Variants in WDR93 observed in about 807,000 individuals in gnomAD.
WDR93 encodes the protein WD repeat-containing protein 93.
WDR93 carries 73 observed loss-of-function variants against 82.9 expected under a neutral mutation model. The ratio of observed to expected loss-of-function variants is 0.88; its 90% CI spans 0.73 to 1.07. The LOEUF (loss-of-function observed/expected upper bound fraction) is 1.07, where lower values mean the gene tolerates loss of function less well. Among genes scored for constraint, WDR93 ranks in the 50% least tolerant of loss-of-function variants. The pLI is 0.00. For synonymous variants in WDR93, 283 were observed against 300.1 expected (o/e 0.94, Z 0.59); for missense variants, 738 against 826.0 (o/e 0.89, Z 1.31).
chr15:89,720,439 A>C (rs565143807), intron 7 of WDR93, among the ~76,000 whole-genome samples: 62 of 151,892 alleles, frequency 4.1e-4, no homozygotes, highest in Non-Finnish European at 7.5e-4. Flanking sequence ...TGCCCAGCTA[A>C]TTTTTGTATT....
chr15:89,711,361 C>T (rs1441636287), intron 4 of WDR93, among the ~76,000 whole-genome samples: 3 of 152,012 alleles, frequency 2.0e-5, no homozygotes, highest in Admixed American at 2.0e-4. Context: ...AATTAAGAGA[C>T]TTAGGAGATA....
chr15:89,728,006 A>G (rs986786607), intron 9 of WDR93, among the ~76,000 whole-genome samples: 7 of 152,034 alleles, frequency 4.6e-5, no homozygotes, highest in Non-Finnish European at 1.0e-4. Flanking sequence ...ACTGGAACCC[A>G]GGAGATGGAG....
rs139084102 is a variant in WDR93, at chr15:89,715,563, A to G, written c.756+468A>G. ...TACCATTTCAGTTTATTTATATATG[A>G]TGACTGGGCCTTGTGCTGTTTTTTT... On this transcript the variant is annotated intron_variant, in intron 6 of 16. Coordinates refer to ENST00000268130, the MANE Select transcript of WDR93 (RefSeq NM_020212.2). Among the ~76,000 whole-genome samples, 633 of 152,190 alleles carry G rather than the reference A, an allele frequency of 4.2e-3. 7 individuals are homozygous for G. Among genetic ancestry groups the G allele is most frequent in the African/African-American group, 0.015 (606 of 41,538 alleles).
At chr15:89,715,213 G>A in intron 6 of WDR93, 118 bp downstream of exon 6, 7 of 765,382 alleles carry the variant, frequency 9.1e-6, no homozygotes, top group Non-Finnish European at 1.2e-5. Flanking sequence ...GAGGACAACA[G>A]GAATATTGGC....
Position 89,743,402 on chromosome 15 carries a change from G to A in WDR93, c.*11G>A, listed in dbSNP as rs376333826. On this transcript the variant is annotated 3_prime_UTR_variant, in exon 17 of 17. Transcript: ENST00000268130. ...AACTTCAAGAAGTGAGGCTGCCACC[G>A]CCCTGGGATCTCTGAAAAGGAGGTT... is the stretch of plus-strand genomic sequence containing the variant. 146 of 1,613,522 alleles carry A rather than the reference G, an allele frequency of 9.0e-5. No homozygotes were observed. The highest frequency in any genetic ancestry group is 1.1e-4 in the Non-Finnish European group (134 of 1,179,640).
intron 1 of WDR93, among the ~76,000 whole-genome samples, chr15:89,696,870 T>C (rs1243819078): frequency 6.6e-6 from 1 of 152,202 alleles, no homozygotes; most frequent in Non-Finnish European, 1.5e-5. Flanking sequence ...TCAAATCCTT[T>C]CTCAGAGTGG....
intron 5 of WDR93, among the ~76,000 whole-genome samples, chr15:89,712,862 C>T (rs1464629467): frequency 6.6e-6 from 1 of 152,058 alleles, no homozygotes; most frequent in African/African-American, 2.4e-5. Flanking sequence ...CGGTGGCTCA[C>T]GCCTGTAATT....
chr15:89,726,810 A>C (rs567872142), intron 8 of WDR93, among the ~76,000 whole-genome samples: 17 of 152,346 alleles, frequency 1.1e-4, no homozygotes, highest in Admixed American at 3.3e-4. Flanking sequence ...CTGGGGAGAC[A>C]GGGACAGTGA....
chr15:89,731,367 C>G, intron 11 of WDR93, 76 bp from the exon 12 acceptor site: 2 of 1,586,190 alleles, frequency 1.3e-6, no homozygotes, highest in Non-Finnish European at 1.7e-6. Context: ...CAGTCTGAGT[C>G]ACAGGTTGTC....
Position 89,714,996 on chromosome 15 carries a change from G to C in WDR93, c.657G>C (p.Trp219Cys), listed in dbSNP as rs1966179687. 3 of 1,613,818 alleles carry C rather than the reference G, an allele frequency of 1.9e-6. No homozygotes were observed. In the Admixed American group the frequency reaches 5.0e-5, roughly 27 times the overall value. ...AFLLQGAGDIWLDVYKLPKET... is the reference protein window; with the variant it reads ...AFLLQGAGDICLDVYKLPKET... ...CCAATGCAGGAGCCGGAGATATTTG[G>C]CTGGATGTGTATAAATTGCCCAAGG... The change falls in exon 6 of 17, where the codon TGG (tryptophan) becomes TGC (cysteine). Residue 219 changes from tryptophan to cysteine, a missense_variant. Coordinates refer to ENST00000268130, the MANE Select transcript of WDR93 (RefSeq NM_020212.2).
intron 4 of WDR93, among the ~76,000 whole-genome samples, chr15:89,710,445 A>G (rs1399557059): frequency 6.6e-6 from 1 of 152,224 alleles, no homozygotes; most frequent in Non-Finnish European, 1.5e-5. Context: ...AGTTGGCTCA[A>G]ACAGGCATAC....
At chr15:89,728,901 C>A in intron 9 of WDR93, 122 bp from the exon 10 acceptor site, 1 of 847,202 alleles carries the variant, frequency 1.2e-6, no homozygotes, top group Non-Finnish European at 2.0e-6. Context: ...GCTTCATGGC[C>A]TTCTTACCCC....
In WDR93 at chr15:89,723,494, A is replaced by G. The variant is rs142510108; in HGVS notation, c.880+1355A>G. ...AAATGCCAAAGGCGAAGAATAGACA[A>G]TTTTCTCTTGTAAAAGAATGTGGTG... On this transcript the variant is annotated intron_variant, in intron 8 of 16. Coordinates refer to ENST00000268130, the MANE Select transcript of WDR93 (RefSeq NM_020212.2). 1.7e-3 allele frequency among the ~76,000 whole-genome samples: 265 copies of G among 152,242 alleles called. 2 individuals carry two copies. The highest frequency in any genetic ancestry group is 1.4e-3 in the Non-Finnish European group (94 of 68,000).
intron 11 of WDR93, among the ~76,000 whole-genome samples, chr15:89,730,543 T>C (rs1199679705): frequency 6.6e-6 from 1 of 152,196 alleles, no homozygotes; most frequent in Non-Finnish European, 1.5e-5. Flanking sequence ...AGTTTCTGTA[T>C]GTGAAGCTCT....
chr15:89,732,947 G>A, intron 12 of WDR93, 59 bp from the exon 13 acceptor site: 3 of 1,521,150 alleles, frequency 2.0e-6, no homozygotes, highest in Non-Finnish European at 2.7e-6. Context: ...CAGCCCCTGT[G>A]CCCATGGCCT....
chr15:89,736,539 C>A (rs1967188588), intron 14 of WDR93, among the ~76,000 whole-genome samples: 1 of 152,038 alleles, frequency 6.6e-6, no homozygotes, highest in Admixed American at 6.6e-5. Context: ...CCTGGAAAAT[C>A]AGTTCACAAA....
intron 5 of WDR93, among the ~76,000 whole-genome samples, chr15:89,713,379 C>A (rs913031688): frequency 6.6e-6 from 1 of 152,078 alleles, no homozygotes; most frequent in Non-Finnish European, 1.5e-5. Flanking sequence ...TGATTTTTAA[C>A]CTTTAAATAT....
chr15:89,741,807 A>G (rs1287682608), intron 16 of WDR93, among the ~76,000 whole-genome samples: 1 of 151,846 alleles, frequency 6.6e-6, no homozygotes, highest in Non-Finnish European at 1.5e-5. Context: ...GCTGGAGTGC[A>G]GTGGCACAAT....
rs1238197405 is a variant in WDR93, at chr15:89,729,048, C to T, written c.1078C>T (p.Pro360Ser). ...LSTATFYFLLPSCLFAMPPEV... is the reference protein window; with the variant it reads ...LSTATFYFLLSSCLFAMPPEV... ...TACGGCCACCTTCTATTTCCTTCTT[C>T]CTAGCTGCCTATTTGCAATGCCACC... The change falls in exon 10 of 17, where the codon CCT becomes TCT. Residue 360 changes from proline (P) to serine (S), a missense_variant. Coordinates refer to ENST00000268130, the MANE Select transcript of WDR93 (RefSeq NM_020212.2). The T allele has an allele frequency of 5.0e-6, 8 of 1,614,180 alleles. No homozygotes were observed. Among genetic ancestry groups the T allele is most frequent in the Admixed American group, 1.7e-5 (1 of 60,012 alleles).
Sources: allele counts gnomAD v4.1 joint callset (sites outside exome capture counted in the v4.1 genomes callset), GRCh38; gene constraint gnomAD v4.1.1; transcripts MANE v1.5; gene names NCBI Gene and HGNC (gene_info 2026-07-23, HGNC 2026-07-21).